The following TPO variants were observed in gnomAD, a reference collection of about 807,000 sequenced individuals.
The protein encoded by TPO is thyroid peroxidase.
Under a neutral mutation model 96.9 loss-of-function variants are expected in TPO, and 78 were observed. The observed-to-expected ratio is 0.81, with a 90% CI of 0.67 to 0.97. TPO has a LOEUF of 0.97. Among genes scored for constraint, TPO ranks in the 50% least tolerant of loss-of-function variants. TPO has a pLI of 0.00. For synonymous variants in TPO, 547 were observed against 538.0 expected (o/e 1.02, Z -0.23); for missense variants, 1,252 against 1,274.8 (o/e 0.98, Z 0.27).
chr2:1,374,828 G>A (rs1054532783), intron 1 of TPO, among the ~76,000 whole-genome samples: 1 of 151,406 alleles, frequency 6.6e-6, no homozygotes, highest in Non-Finnish European at 1.5e-5. Flanking sequence ...CCTGGTTCAG[G>A]CGATTCTCCT....
intron 15 of TPO, among the ~76,000 whole-genome samples, chr2:1,532,411 T>C (rs1573615211): frequency 1.2e-4 from 7 of 57,012 alleles, no homozygotes; most frequent in African/African-American, 2.3e-4. Flanking sequence ...GTGAGCAACC[T>C]CCCCAAATCC....
At chr2:1,398,026 G>A (rs1662110922) in intron 1 of TPO, among the ~76,000 whole-genome samples, 1 of 152,214 alleles carries the variant, frequency 6.6e-6, no homozygotes, top group Admixed American at 6.5e-5. Flanking sequence ...CACATTTTCA[G>A]GCATGCAACT....
At chr2:1,452,067 T>G (rs1451522361) in intron 5 of TPO, among the ~76,000 whole-genome samples, 1 of 152,234 alleles carries the variant, frequency 6.6e-6, no homozygotes, top group Non-Finnish European at 1.5e-5. Context: ...TATTTGAATA[T>G]GTATTTTATT....
At chr2:1,444,702 T>TG (rs1456976459) in intron 5 of TPO, among the ~76,000 whole-genome samples, 2 of 13,962 alleles carry the variant, frequency 1.4e-4, no homozygotes, top group South Asian at 6.3e-3. Flanking sequence ...TGGAAGGGAA[T>TG]GGGCAGGCTC....
chr2:1,528,411 C>T (rs1247817707), intron 15 of TPO, among the ~76,000 whole-genome samples: 2 of 143,076 alleles, frequency 1.4e-5, no homozygotes, highest in Non-Finnish European at 3.0e-5. Context: ...CCTCAAATCA[C>T]CCGGTGTGCA....
intron 1 of TPO, among the ~76,000 whole-genome samples, chr2:1,375,007 G>A (rs977093218): frequency 6.6e-6 from 1 of 151,928 alleles, no homozygotes; most frequent in African/African-American, 2.4e-5. Context: ...GGGATTACAG[G>A]CATGAACCAC....
intron 1 of TPO, among the ~76,000 whole-genome samples, chr2:1,397,891 T>G (rs925320889): frequency 6.6e-6 from 1 of 152,194 alleles, no homozygotes; most frequent in African/African-American, 2.4e-5. Context: ...TGTCAGAAGC[T>G]CCTTTATCCA....
chr2:1,450,556 A>G (rs1667217626), intron 5 of TPO, among the ~76,000 whole-genome samples: 1 of 152,220 alleles, frequency 6.6e-6, no homozygotes, highest in Admixed American at 6.5e-5. Flanking sequence ...GTGGTACAAT[A>G]GATTTCCACT....
chr2:1,502,660 G>A lies in TPO; in HGVS notation c.2387-1288G>A, dbSNP rs1255506888. 2.4e-4 allele frequency among the ~76,000 whole-genome samples: 36 copies of A among 152,114 alleles called. 1 individual carries two copies. The highest frequency in any genetic ancestry group is 2.9e-5 in the Non-Finnish European group (2 of 68,028). The stretch of plus-strand genomic sequence containing the variant: ...CCACCTCAGCCTCCCAAAGTGCTGG[G>A]ATTACAGGCATGAGCCACCGGACCC... On this transcript the variant is annotated intron_variant, in intron 13 of 16. Transcript: ENST00000329066.
chr2:1,527,831 C>CTGTGTGCAACCTCCTAAACCCCCCCAA (rs1276318932), intron 15 of TPO, among the ~76,000 whole-genome samples: 1 of 107,580 alleles, frequency 9.3e-6, no homozygotes, highest in Admixed American at 1.0e-4. Flanking sequence ...AATCCCCATA[C>CTGTGTGCAACCTCCTAAACCCCCCCAA]TGTGTGCAAC....
intron 1 of TPO, among the ~76,000 whole-genome samples, chr2:1,378,276 A>G (rs1022551835): frequency 2.0e-5 from 3 of 152,186 alleles, no homozygotes; most frequent in African/African-American, 4.8e-5. Context: ...GTTGCTGGAG[A>G]GCGGGGCCAG....
intron 14 of TPO, among the ~76,000 whole-genome samples, chr2:1,515,439 A>G (rs1674589191): frequency 6.6e-6 from 1 of 152,226 alleles, no homozygotes; most frequent in African/African-American, 2.4e-5. Context: ...AGAGGAGCCC[A>G]GGAGGAAAAG....
At chr2:1,390,530 T>C (rs1341887138) in intron 1 of TPO, among the ~76,000 whole-genome samples, 1 of 152,210 alleles carries the variant, frequency 6.6e-6, no homozygotes, top group African/African-American at 2.4e-5. Context: ...TTTATAATCC[T>C]TTGGGAATAT....
upstream of TPO, among the ~76,000 whole-genome samples, chr2:1,411,878 A>C (rs1662376897): frequency 6.6e-6 from 1 of 152,108 alleles, no homozygotes; most frequent in Admixed American, 6.5e-5. Context: ...TCAAAATCTT[A>C]ACTGAATCCC....
At chr2:1,379,416 C>A (rs369867670) in intron 1 of TPO, among the ~76,000 whole-genome samples, 3 of 152,138 alleles carry the variant, frequency 2.0e-5, no homozygotes. Flanking sequence ...TTGTCCAGGG[C>A]TGGAGCAATC....
intron 15 of TPO, among the ~76,000 whole-genome samples, chr2:1,533,811 A>G (rs1573626276): frequency 2.3e-5 from 1 of 43,362 alleles, no homozygotes; most frequent in Non-Finnish European, 4.3e-5. Context: ...CAACGTCCCC[A>G]AATCGCCCCA....
chr2:1,533,040 C>T (rs1479484819), intron 15 of TPO, among the ~76,000 whole-genome samples: 1 of 101,738 alleles, frequency 9.8e-6, no homozygotes, highest in Admixed American at 1.2e-4. Context: ...CCCCAAAAAT[C>T]CCCCCACTGT....
At chr2:1,469,822 C>T (rs995299934) in intron 7 of TPO, among the ~76,000 whole-genome samples, 4 of 152,152 alleles carry the variant, frequency 2.6e-5, no homozygotes, top group Non-Finnish European at 4.4e-5. Context: ...GGGTGTCTCC[C>T]GAGTCCTGCA....
intron 1 of TPO, 25 bp from the exon 2 acceptor site, chr2:1,414,383 C>T (rs1466082699): frequency 6.2e-7 from 1 of 1,604,578 alleles, no homozygotes; most frequent in East Asian, 2.2e-5. Context: ...TGATTACATA[C>T]TCTGTCTCCT....
Sources: allele counts gnomAD v4.1 joint callset (sites outside exome capture counted in the v4.1 genomes callset), GRCh38; gene constraint gnomAD v4.1.1; transcripts MANE v1.5; gene names NCBI Gene and HGNC (gene_info 2026-07-23, HGNC 2026-07-21).